Variants in ATP1A3 observed in about 807,000 individuals in gnomAD.
ATP1A3 encodes sodium/potassium-transporting ATPase subunit alpha-3.
A neutral mutation model predicts 108.8 loss-of-function variants in ATP1A3; 12 were observed. The observed-to-expected ratio is 0.11, with a 90% confidence interval of 0.07 to 0.18. The LOEUF (loss-of-function observed/expected upper bound fraction) is 0.18. Among genes scored for constraint, ATP1A3 ranks in the 10% least tolerant of loss-of-function variants. ATP1A3 has a pLI of 1.00. For missense variants in ATP1A3, 498 were observed against 1,387.7 expected, an observed-to-expected ratio of 0.36 and a Z score of 10.19; for synonymous variants, 539 against 564.5, an observed-to-expected ratio of 0.95 and a Z score of 0.64.
At chr19:41,983,076 A>G (rs1367318837) in intron 8 of ATP1A3, among the ~76,000 whole-genome samples, 1 of 152,078 alleles carries the variant, frequency 6.6e-6, no homozygotes, top group Non-Finnish European at 1.5e-5. Context: ...TATGGAAAAC[A>G]GTAAACTTTT....
chr19:41,986,291 C>T, intron 4 of ATP1A3, 62 bp from the exon 5 acceptor site: 2 of 1,536,680 alleles, frequency 1.3e-6, no homozygotes, highest in Non-Finnish European at 9.0e-7. Flanking sequence ...CCAGTCCCTG[C>T]TCGCCTGGAG....
intron 4 of ATP1A3, chr19:41,986,622 T>C (rs2145980861): frequency 3.7e-6 from 1 of 268,702 alleles, no homozygotes; most frequent in East Asian, 9.7e-5. Context: ...TGTGTATTTT[T>C]AGTAGAGATG....
At chr19:41,976,122 A>T (rs541742641) in intron 15 of ATP1A3, among the ~76,000 whole-genome samples, 13 of 130,258 alleles carry the variant, frequency 1.0e-4, no homozygotes, top group African/African-American at 3.9e-4. Flanking sequence ...CCTCCCTCAG[A>T]CCCAAGGGTC....
chr19:41,967,845 G>A lies in ATP1A3; in HGVS notation c.2820-82C>T, dbSNP rs1351734776. 7 of 1,210,336 alleles carry A rather than the reference G, an allele frequency of 5.8e-6. No individual in the cohort carries two copies. In the African/African-American group the frequency reaches 1.1e-4, roughly 18 times the overall value. The allele number at this position is 1,210,336 out of a possible 1,614,324, so 75.0% of individuals were successfully genotyped here. A position where few individuals can be genotyped will look rare whatever the true frequency, so the allele number is the denominator to read the frequency against. On this transcript the variant is annotated intron_variant, in intron 20 of 22. Coordinates refer to ENST00000648268, the MANE Select transcript of ATP1A3 (RefSeq NM_152296.5). The surrounding 1 kb of genome is among the most constrained non-coding windows in gnomAD (Gnocchi z 4.2). Reference sequence around the variant, plus strand: ...CCCCGCAGAGACAGGGGGAGGCACAGTGCAGACACCCAGAGACAGCAGCAC... The same window carrying A: ...CCCCGCAGAGACAGGGGGAGGCACAATGCAGACACCCAGAGACAGCAGCAC...
At chr19:41,980,622 T>A (rs2075220843) in intron 11 of ATP1A3, among the ~76,000 whole-genome samples, 1 of 147,808 alleles carries the variant, frequency 6.8e-6, no homozygotes, top group Non-Finnish European at 1.5e-5. Context: ...CAAAAAAAAG[T>A]TTACTGAGGC....
intron 8 of ATP1A3, 109 bp downstream of exon 8, chr19:41,984,809 C>G: frequency 7.5e-7 from 1 of 1,330,766 alleles, no homozygotes; most frequent in Admixed American, 2.3e-5. Context: ...AGGCCTCTAG[C>G]CCCTCCTCCC....
At position 41,968,254 on chromosome 19, in the gene ATP1A3, C is replaced by T. The variant is rs1482271883; in HGVS notation, c.2820-491G>A. ...ATGGGCTGGGCATGGTGGCTCACACCTGTAATCCTAGCACTCTGGGAGGCT... is the reference window on the plus strand; with the variant it reads ...ATGGGCTGGGCATGGTGGCTCACACTTGTAATCCTAGCACTCTGGGAGGCT... On this transcript the variant is annotated intron_variant, in intron 20 of 22. Coordinates refer to ENST00000648268, the MANE Select transcript of ATP1A3 (RefSeq NM_152296.5). This position sits in a 1 kb window ranked among gnomAD's most constrained non-coding sequence, Gnocchi z 5.0. 2.0e-5 allele frequency among the ~76,000 whole-genome samples: 3 copies of T among 152,194 alleles called. No homozygotes were observed. Among genetic ancestry groups the T allele is most frequent in the Non-Finnish European group, 4.4e-5 (3 of 68,028 alleles).
Position 41,981,883 on chromosome 19 carries a change from G to C in ATP1A3, c.1192+25C>G. On this transcript the variant is annotated intron_variant, in intron 9 of 22. Transcript: ENST00000648268. The surrounding 1 kb of genome is among the most constrained non-coding windows in gnomAD (Gnocchi z 5.0). ...GGACTCCTGGAGCCAGGCCCCCATG[G>C]TCCTCACCCGGGGCCTGCGCTCACC... The C allele has an allele frequency of 6.2e-7, 1 of 1,614,208 alleles. No homozygotes were observed. The highest frequency in any genetic ancestry group is 8.5e-7 in the Non-Finnish European group (1 of 1,180,026).
At position 41,967,852 on chromosome 19, in the gene ATP1A3, C is replaced by CA. The variant is rs782795957; in HGVS notation, c.2820-90dup. On this transcript the variant is annotated intron_variant, in intron 20 of 22. Coordinates refer to ENST00000648268, the MANE Select transcript of ATP1A3 (RefSeq NM_152296.5). This position sits in a 1 kb window ranked among gnomAD's most constrained non-coding sequence, Gnocchi z 4.2. ...GAGACAGGGGGAGGCACAGTGCAGA[C>CA]ACCCAGAGACAGCAGCACAGACACA... 3.9e-4 allele frequency: 423 copies of CA among 1,086,050 alleles called. 1 individual carries two copies. The highest frequency in any genetic ancestry group is 1.2e-4 in the Non-Finnish European group (83 of 717,620). 67.3% of individuals were successfully genotyped at this position (1,086,050 alleles called of 1,614,324 possible).
At position 41,975,753 on chromosome 19, in the gene ATP1A3, G is replaced by T; in HGVS notation, c.2139C>A (p.Pro713=). ...AVTGDGVNDS[P]ALKKADIGVA... ...CCCCAATGTCGGCCTTCTTCAGAGCGGGGGAGTCGTTCACACCATCCCCGG... is the reference window on the plus strand; with the variant it reads ...CCCCAATGTCGGCCTTCTTCAGAGCTGGGGAGTCGTTCACACCATCCCCGG... The change falls in exon 16 of 23, where the codon CCC becomes CCA. Residue 713 remains proline, a synonymous_variant. Coordinates refer to ENST00000648268, the MANE Select transcript of ATP1A3 (RefSeq NM_152296.5). The T allele has an allele frequency of 1.2e-6, 2 of 1,614,036 alleles. No individual in the cohort carries two copies. The highest frequency in any genetic ancestry group is 1.7e-6 in the Non-Finnish European group (2 of 1,179,964).
chr19:41,983,759 TA>T (rs1278717040), intron 8 of ATP1A3, among the ~76,000 whole-genome samples: 4 of 145,092 alleles, frequency 2.8e-5, no homozygotes, highest in East Asian at 2.0e-4. Flanking sequence ...CTGGCTAATT[TA>T]AAAAAATTTT....
Position 41,967,570 on chromosome 19 carries a change from G to C in ATP1A3, c.2921+92C>G. 2 of 1,375,556 alleles carry C rather than the reference G, an allele frequency of 1.5e-6. No homozygotes were observed. Among genetic ancestry groups the C allele is most frequent in the Non-Finnish European group, 2.0e-6 (2 of 984,078 alleles). The allele number at this position is 1,375,556 out of a possible 1,614,324, so 85.2% of individuals were successfully genotyped here. A position where few individuals can be genotyped will look rare whatever the true frequency, so the allele number is the denominator to read the frequency against. The stretch of plus-strand genomic sequence containing the variant: ...ATGGGGACTGCAGTGGGGACACCAG[G>C]GGAGGTGGGGCCTGAGGTTCAGGCT... On this transcript the variant is annotated intron_variant, in intron 21 of 22. Coordinates refer to ENST00000648268, the MANE Select transcript of ATP1A3 (RefSeq NM_152296.5). This position sits in a 1 kb window ranked among gnomAD's most constrained non-coding sequence, Gnocchi z 4.2.
At chr19:41,987,333 CGT>C (rs1345195431) in intron 4 of ATP1A3, among the ~76,000 whole-genome samples, 7 of 151,856 alleles carry the variant, frequency 4.6e-5, no homozygotes, top group African/African-American at 1.5e-4. Context: ...TGTGTGTGTG[CGT>C]GTCAGTGTGT....
chr19:41,973,025 C>T lies in ATP1A3; in HGVS notation c.2264-2483G>A, dbSNP rs549354753. ...CCGCTCCCACCTGATATTCTCGTTCCCTGCATTGTGCTCTTCTCCACAAAC... is the reference window on the plus strand; with the variant it reads ...CCGCTCCCACCTGATATTCTCGTTCTCTGCATTGTGCTCTTCTCCACAAAC... On this transcript the variant is annotated intron_variant, in intron 16 of 22. Coordinates refer to ENST00000648268, the MANE Select transcript of ATP1A3 (RefSeq NM_152296.5). 3.9e-5 allele frequency among the ~76,000 whole-genome samples: 6 copies of T among 152,214 alleles called. No homozygotes were observed. In the South Asian group the frequency reaches 6.2e-4, roughly 16 times the overall value.
chr19:41,987,892 A>C, intron 4 of ATP1A3, 44 bp downstream of exon 4: 1 of 1,606,530 alleles, frequency 6.2e-7, no homozygotes, highest in Non-Finnish European at 8.5e-7. Flanking sequence ...GTGTCCGTAA[A>C]TAAATGTGCA....
chr19:41,967,077 CACAG>C lies in ATP1A3; in HGVS notation c.3014-116_3014-113del, dbSNP rs782623252. 1.6e-5 allele frequency: 25 copies of C among 1,551,658 alleles called. No individual in the cohort carries two copies. Among genetic ancestry groups the C allele is most frequent in the Middle Eastern group, 3.3e-4 (2 of 6,014 alleles). The stretch of plus-strand genomic sequence containing the variant: ...GAGAGGGAGAGAGACAAGGAAACCA[CACAG>C]ACAGAGACCCGTGAGAAGACAGAGT... On this transcript the variant is annotated intron_variant, in intron 22 of 22. Transcript: ENST00000648268. The surrounding 1 kb of genome is among the most constrained non-coding windows in gnomAD (Gnocchi z 4.2).
At chr19:41,990,585 T>A (rs2075327974) in intron 1 of ATP1A3, among the ~76,000 whole-genome samples, 1 of 150,214 alleles carries the variant, frequency 6.7e-6, no homozygotes, top group Non-Finnish European at 1.5e-5. Context: ...TACTACCTCA[T>A]CCTGGAATTT....
chr19:41,992,515 A>C (rs959937637), intron 1 of ATP1A3, among the ~76,000 whole-genome samples: 3 of 151,770 alleles, frequency 2.0e-5, no homozygotes, highest in African/African-American at 7.3e-5. Flanking sequence ...CCTGGCCCAC[A>C]TCTCTGACCA....
intron 8 of ATP1A3, 115 bp downstream of exon 8, chr19:41,984,803 C>T: frequency 1.5e-6 from 2 of 1,295,634 alleles, no homozygotes; most frequent in East Asian, 2.5e-5. Context: ...GGGTCCAGGC[C>T]TCTAGCCCCT....
Sources: gnomAD v4.1 joint callset for allele counts (sites outside exome capture counted in the v4.1 genomes callset) on GRCh38, gnomAD v4.1.1 for gene constraint, Gnocchi (gnomAD v3.1) non-coding constraint, MANE v1.5 for transcripts, NCBI Gene and HGNC (gene_info 2026-07-23, HGNC 2026-07-21) for gene names.